Variants in EME2 observed in about 807,000 individuals in gnomAD.
The protein encoded by EME2 is essential meiotic structure-specific endonuclease subunit 2.
Under a neutral mutation model 41.9 loss-of-function variants are expected in EME2, and 58 were observed. The observed-to-expected ratio is 1.38, with a 90% CI of 1.12 to 1.72. The LOEUF is 1.72. EME2 is among the 40% of genes most tolerant of loss of function. EME2 has a pLI of 0.00. For synonymous variants in EME2, 334 were observed against 239.3 expected (o/e 1.40, Z -3.65); for missense variants, 695 against 541.9 (o/e 1.28, Z -2.81).
rs774035508 is a variant in EME2, at chr16:1,775,682, C to G, written c.777C>G (p.Leu259=). Residue 259 remains leucine, a splice_region_variant and synonymous_variant, in exon 6 of 8, where the codon CTC becomes CTG. Transcript: ENST00000568449. ...AVTKALAQYP[L]KQYRESQAFS... is the part of the protein sequence containing the mutation. ...CCAAGGCTCTCGCCCAGTATCCCCT[C>G]AAGTGCGTGATGCCAAGGCTGAAGG... 2.5e-6 allele frequency: 4 copies of G among 1,612,758 alleles called. No individual in the cohort carries two copies. The highest frequency in any genetic ancestry group is 2.2e-5 in the East Asian group (1 of 44,894).
At position 1,781,376 on chromosome 16, in the gene EME2, G is replaced by T. The variant is rs1411955174; in HGVS notation, c.*5138G>T. The T allele has an allele frequency of 6.2e-7, 1 of 1,612,818 alleles. No homozygotes were observed. Among genetic ancestry groups the T allele is most frequent in the Admixed American group, 1.7e-5 (1 of 60,002 alleles). ...AACCTACCTGCCCATCAGAGTCGTA[G>T]CCCCAGTTAGTGGAGCCTGCTAGAG... On this transcript the variant is annotated 3_prime_UTR_variant, in exon 8 of 8. Transcript: ENST00000568449.
At position 1,775,056 on chromosome 16, in the gene EME2, C is replaced by A. The variant is rs777850544; in HGVS notation, c.493C>A (p.His165Asn). The A allele has an allele frequency of 1.9e-5, 31 of 1,609,884 alleles. No homozygotes were observed. The highest frequency in any genetic ancestry group is 2.6e-5 in the Non-Finnish European group (31 of 1,179,858). ...ATLTQISGPT[H>N]WVPWISPETT... Reference sequence around the variant, plus strand: ...TCATCTTCAGATCTCTGGCCCAACCCACTGGGTGCCCTGGATCTCCCCCGA... The same window carrying A: ...TCATCTTCAGATCTCTGGCCCAACCAACTGGGTGCCCTGGATCTCCCCCGA... The change falls in exon 4 of 8, where the codon CAC becomes AAC. Residue 165 changes from histidine to asparagine, a missense_variant. Coordinates refer to ENST00000568449, the MANE Select transcript of EME2 (RefSeq NM_001257370.2).
chr16:1,778,554 G>T lies in EME2; in HGVS notation c.*2316G>T. ...GAAGGACTCGCCGGTCACGGGCACC[G>T]CACTGGGGATGGATGGCGGCAGCGT... On this transcript the variant is annotated 3_prime_UTR_variant, in exon 8 of 8. Coordinates refer to ENST00000568449, the MANE Select transcript of EME2 (RefSeq NM_001257370.2). The T allele has an allele frequency of 6.2e-7, 1 of 1,603,574 alleles. No individual in the cohort carries two copies. The highest frequency in any genetic ancestry group is 8.5e-7 in the Non-Finnish European group (1 of 1,173,540).
chr16:1,774,526 G>A (rs1451451750), intron 3 of EME2, among the ~76,000 whole-genome samples, 174 bp downstream of exon 3: 1 of 152,258 alleles, frequency 6.6e-6, no homozygotes, highest in Admixed American at 6.5e-5. Flanking sequence ...GATGGAGAAA[G>A]CTCCTGGGCA....
At position 1,778,560 on chromosome 16, in the gene EME2, G is replaced by A. The variant is rs982178048; in HGVS notation, c.*2322G>A. The A allele has an allele frequency of 3.1e-6, 5 of 1,601,010 alleles. No homozygotes were observed. Among genetic ancestry groups the A allele is most frequent in the Admixed American group, 3.4e-5 (2 of 59,444 alleles). On this transcript the variant is annotated 3_prime_UTR_variant, in exon 8 of 8. Coordinates refer to ENST00000568449, the MANE Select transcript of EME2 (RefSeq NM_001257370.2). The stretch of plus-strand genomic sequence containing the variant: ...CTCGCCGGTCACGGGCACCGCACTG[G>A]GGATGGATGGCGGCAGCGTGGAGTA...
Position 1,777,781 on chromosome 16 carries a change from G to A in EME2, c.*1543G>A, listed in dbSNP as rs2042735810. 1 of 1,612,828 alleles carries A rather than the reference G, an allele frequency of 6.2e-7. No individual in the cohort carries two copies. The highest frequency in any genetic ancestry group is 8.5e-7 in the Non-Finnish European group (1 of 1,179,934). ...TCCTGTTCTTGAAAAAGGTGAGTGT[G>A]CCGTGCCAGGTGTCCAGGTGCACGC... is the stretch of plus-strand genomic sequence containing the variant. On this transcript the variant is annotated 3_prime_UTR_variant, in exon 8 of 8. Transcript: ENST00000568449.
rs373382970 is a variant in EME2 at position 1,781,657 on chromosome 16, G to C, written c.*5419G>C. The C allele has an allele frequency of 4.5e-6, 3 of 671,326 alleles. No individual in the cohort carries two copies. The highest frequency in any genetic ancestry group is 7.5e-6 in the Non-Finnish European group (3 of 397,832). 41.6% of individuals were successfully genotyped at this position (671,326 alleles called of 1,614,324 possible). A position where few individuals can be genotyped will look rare whatever the true frequency, so the allele number is the denominator to read the frequency against. On this transcript the variant is annotated 3_prime_UTR_variant, in exon 8 of 8. Coordinates refer to ENST00000568449, the MANE Select transcript of EME2 (RefSeq NM_001257370.2). Reference sequence around the variant, plus strand: ...TTCAGGAGCCCGTACCTCACTCCAGGATCTGAGCAGCTCAATAAAACCCAG... The same window carrying C: ...TTCAGGAGCCCGTACCTCACTCCAGCATCTGAGCAGCTCAATAAAACCCAG...
In EME2 at chr16:1,777,384, C is replaced by T; in HGVS notation, c.*1146C>T. The T allele has an allele frequency of 6.3e-7, 1 of 1,595,826 alleles. No individual in the cohort carries two copies. The highest frequency in any genetic ancestry group is 8.5e-7 in the Non-Finnish European group (1 of 1,173,712). On this transcript the variant is annotated 3_prime_UTR_variant, in exon 8 of 8. Coordinates refer to ENST00000568449, the MANE Select transcript of EME2 (RefSeq NM_001257370.2). The stretch of plus-strand genomic sequence containing the variant: ...CGGGTGACCTTCATGCTGCTCCGGG[C>T]CGCCGTGGAGCACACCATCGGGTAG...
At position 1,781,408 on chromosome 16, in the gene EME2, C is replaced by T; in HGVS notation, c.*5170C>T. 1 of 1,612,894 alleles carries T rather than the reference C, an allele frequency of 6.2e-7. No homozygotes were observed. The highest frequency in any genetic ancestry group is 8.5e-7 in the Non-Finnish European group (1 of 1,179,994). On this transcript the variant is annotated 3_prime_UTR_variant, in exon 8 of 8. Transcript: ENST00000568449. ...TTAGTGGAGCCTGCTAGAGCCACGG[C>T]CCGGGCATCTGCGTCTCGGCGGGCT...
chr16:1,777,845 G>C lies in EME2; in HGVS notation c.*1607G>C. On this transcript the variant is annotated 3_prime_UTR_variant, in exon 8 of 8. Transcript: ENST00000568449. ...CTGGCCGAACCGCGATGAGAAGCTG[G>C]TCTTGTCGCCCTTGTGGTGGAGGAG... The C allele has an allele frequency of 6.2e-7, 1 of 1,612,794 alleles. No homozygotes were observed.
Position 1,774,494 on chromosome 16 carries a change from G to A in EME2, c.477+142G>A. On this transcript the variant is annotated intron_variant, in intron 3 of 7. Coordinates refer to ENST00000568449, the MANE Select transcript of EME2 (RefSeq NM_001257370.2). ...GGCCAGGACTCCTCTCTGATCCAAA[G>A]CCGTAGAGGTTTCTAGGGTGAGATG... The A allele has an allele frequency of 7.5e-6, 5 of 668,170 alleles. No individual in the cohort carries two copies. In the Admixed American group the frequency reaches 8.0e-5, roughly 11 times the overall value. The allele number at this position is 668,170 out of a possible 1,614,324, so 41.4% of individuals were successfully genotyped here.
Position 1,781,386 on chromosome 16 carries a change from G to C in EME2, c.*5148G>C. 6 of 1,612,846 alleles carry C rather than the reference G, an allele frequency of 3.7e-6. No individual in the cohort carries two copies. The highest frequency in any genetic ancestry group is 5.1e-6 in the Non-Finnish European group (6 of 1,179,998). The stretch of plus-strand genomic sequence containing the variant: ...CCCATCAGAGTCGTAGCCCCAGTTA[G>C]TGGAGCCTGCTAGAGCCACGGCCCG... On this transcript the variant is annotated 3_prime_UTR_variant, in exon 8 of 8. Transcript: ENST00000568449.
rs780242185 is a variant in EME2 at position 1,777,226 on chromosome 16, C to T, written c.*988C>T. The T allele has an allele frequency of 1.2e-6, 2 of 1,610,752 alleles. No individual in the cohort carries two copies. Among genetic ancestry groups the T allele is most frequent in the East Asian group, 2.2e-5 (1 of 44,872 alleles). On this transcript the variant is annotated 3_prime_UTR_variant, in exon 8 of 8. Transcript: ENST00000568449. ...TGCAACTCATGCTCAGGACCCAGCCCAGCTTGTTGTGTAGCACCTGCTTGA... is the reference window on the plus strand; with the variant it reads ...TGCAACTCATGCTCAGGACCCAGCCTAGCTTGTTGTGTAGCACCTGCTTGA...
At chr16:1,775,233 CT>C in intron 4 of EME2, 81 bp from the exon 5 acceptor site, 7 of 1,582,572 alleles carry the variant, frequency 4.4e-6, no homozygotes, top group Non-Finnish European at 5.2e-6. Flanking sequence ...GATCCCACTT[CT>C]CCAGGTGGGC....
chr16:1,774,341 A>G lies in EME2; in HGVS notation c.466A>G (p.Thr156Ala), dbSNP rs953133282. ...CGAGGAGTTTCTGCAGGGCGTCGCC[A>G]CACTGACCCAGGTGCTCGGGTGGTG... The part of the protein sequence containing the change: ...EPEEFLQGVA[T>A]LTQISGPTHW... Residue 156 changes from threonine (T) to alanine (A), a missense_variant, in exon 3 of 8, where the codon ACA becomes GCA. Physicochemically the swap from Thr to Ala is moderately conservative, Grantham distance 58 (BLOSUM62 0). Coordinates refer to ENST00000568449, the MANE Select transcript of EME2 (RefSeq NM_001257370.2). 4 of 1,612,584 alleles carry G rather than the reference A, an allele frequency of 2.5e-6. No homozygotes were observed. In the African/African-American group the frequency reaches 5.3e-5, roughly 22 times the overall value.
chr16:1,773,514 G>A (rs765456789), intron 1 of EME2, 40 bp downstream of exon 1: 3 of 1,558,990 alleles, frequency 1.9e-6, no homozygotes, highest in African/African-American at 2.7e-5. Context: ...GGTAGGAAAG[G>A]CCTTTCTCCG....
rs1431168498 is a variant in EME2, at chr16:1,781,501, A to T, written c.*5263A>T. On this transcript the variant is annotated 3_prime_UTR_variant, in exon 8 of 8. Transcript: ENST00000568449. ...CTGGCCATGGTGGAAAGAATCTAGA[A>T]GAAAACACAGGCTCTGGGCAAAGGA... 1 of 1,610,506 alleles carries T rather than the reference A, an allele frequency of 6.2e-7. No homozygotes were observed.
Position 1,775,872 on chromosome 16 carries a change from CG to C in EME2, c.857del (p.Gly286AlafsTer81). The C allele has an allele frequency of 6.2e-7, 1 of 1,612,594 alleles. No homozygotes were observed. The highest frequency in any genetic ancestry group is 8.5e-7 in the Non-Finnish European group (1 of 1,179,858). On this transcript the variant is annotated frameshift_variant, in exon 7 of 8. Transcript: ENST00000568449. LOFTEE classifies it high-confidence loss of function. ...CAGCCGGCGAGCCAGTGGCAAGAGA[CG>C]GCGCAGGGCTGCAGGCGGCCTGGCG... ...WAAGEPVARD[G>X]AGLQAAWRRQ...
rs368640764 is a variant in EME2, at chr16:1,777,045, C to T, written c.*807C>T. The T allele has an allele frequency of 1.1e-4, 174 of 1,568,692 alleles. No homozygotes were observed. In the African/African-American group the frequency reaches 2.2e-3, roughly 20 times the overall value. ...AAGGAAGGGACAGAGAAAGAAGGGA[C>T]AGAGGAAAGGGGCTGTCCCAGCCCA... On this transcript the variant is annotated 3_prime_UTR_variant, in exon 8 of 8. Coordinates refer to ENST00000568449, the MANE Select transcript of EME2 (RefSeq NM_001257370.2).
Sources: gnomAD v4.1 joint callset for allele counts (sites outside exome capture counted in the v4.1 genomes callset) on GRCh38, gnomAD v4.1.1 for gene constraint, MANE v1.5 for transcripts, NCBI Gene and HGNC (gene_info 2026-07-23, HGNC 2026-07-21) for gene names.